The following NPAS3 variants were observed in gnomAD, a reference collection of about 807,000 sequenced individuals.
NPAS3 encodes the protein neuronal PAS domain-containing protein 3.
A neutral mutation model predicts 73.1 loss-of-function variants in NPAS3; 14 were observed. That is an observed-to-expected ratio of 0.19 (90% CI 0.13 to 0.30). The LOEUF is 0.30. Ranked by LOEUF, NPAS3 falls within the 10% of genes least tolerant of loss-of-function variation. The probability of loss-of-function intolerance (pLI) is 1.00; values close to 1 mark genes in which losing one functional copy is unlikely to be tolerated. For synonymous variants in NPAS3, 620 were observed against 541.5 expected, an observed-to-expected ratio of 1.14 and a Z score of -2.01; for missense variants, 1,096 against 1,250.0, an observed-to-expected ratio of 0.88 and a Z score of 1.86.
chr14:33,199,541 G>A (rs1315200990), intron 2 of NPAS3, among the ~76,000 whole-genome samples: 2 of 152,106 alleles, frequency 1.3e-5, no homozygotes, highest in African/African-American at 4.8e-5. Context: ...GTGCTCACTA[G>A]TACCACCTCC....
chr14:33,162,597 A>C (rs1419687705), intron 2 of NPAS3, among the ~76,000 whole-genome samples: 1 of 152,154 alleles, frequency 6.6e-6, no homozygotes, highest in Non-Finnish European at 1.5e-5. Context: ...TTGTGACTTG[A>C]CTGTCCAATG....
chr14:32,953,300 T>A (rs1213634702), intron 1 of NPAS3, among the ~76,000 whole-genome samples: 1 of 152,118 alleles, frequency 6.6e-6, no homozygotes, highest in Non-Finnish European at 1.5e-5. Flanking sequence ...TCTGGACCCT[T>A]TCCCCCTCCT....
intron 5 of NPAS3, among the ~76,000 whole-genome samples, chr14:33,663,039 T>A (rs2059353976): frequency 6.6e-6 from 1 of 152,196 alleles, no homozygotes; most frequent in South Asian, 2.1e-4. Flanking sequence ...CAATATGACT[T>A]CCTCTCTTCC....
intron 3 of NPAS3, among the ~76,000 whole-genome samples, chr14:33,342,181 C>CA (rs2140314029): frequency 6.6e-6 from 1 of 152,174 alleles, no homozygotes; most frequent in South Asian, 2.1e-4. Flanking sequence ...AGAAGAAAAA[C>CA]AGTTTGGAGA....
At chr14:33,341,397 G>A (rs1439600497) in intron 3 of NPAS3, among the ~76,000 whole-genome samples, 2 of 152,172 alleles carry the variant, frequency 1.3e-5, no homozygotes, top group Non-Finnish European at 2.9e-5. Context: ...AACAGAAATA[G>A]AAAGCTTAAA....
At chr14:33,573,265 G>A (rs897784885) in intron 5 of NPAS3, among the ~76,000 whole-genome samples, 2 of 152,114 alleles carry the variant, frequency 1.3e-5, no homozygotes, top group Non-Finnish European at 2.9e-5. Flanking sequence ...TTTGCTGAAT[G>A]ACCTACGTGT....
chr14:33,508,273 C>T (rs1240119359), intron 4 of NPAS3, among the ~76,000 whole-genome samples: 2 of 152,052 alleles, frequency 1.3e-5, no homozygotes, highest in Non-Finnish European at 2.9e-5. Flanking sequence ...AGAACAAAAT[C>T]ATATCTGTTC....
At chr14:33,332,929 C>T (rs1401378914) in intron 3 of NPAS3, among the ~76,000 whole-genome samples, 1 of 152,186 alleles carries the variant, frequency 6.6e-6, no homozygotes, top group Non-Finnish European at 1.5e-5. Flanking sequence ...CAATTAGATA[C>T]TTTGTCTGTA....
intron 4 of NPAS3, among the ~76,000 whole-genome samples, chr14:33,384,257 C>G (rs2046679187): frequency 6.6e-6 from 1 of 151,382 alleles, no homozygotes; most frequent in Non-Finnish European, 1.5e-5. Context: ...GAAATAAAAC[C>G]CTGAGATTTT....
intron 3 of NPAS3, among the ~76,000 whole-genome samples, chr14:33,223,620 A>G (rs1416728684): frequency 6.6e-6 from 1 of 152,182 alleles, no homozygotes; most frequent in Non-Finnish European, 1.5e-5. Flanking sequence ...AATTCCTCAG[A>G]AAGGATTTAG....
chr14:33,641,211 C>G (rs903376205), intron 5 of NPAS3, among the ~76,000 whole-genome samples: 1 of 152,158 alleles, frequency 6.6e-6, no homozygotes, highest in African/African-American at 2.4e-5. Context: ...TTCCACGGAG[C>G]ATGGAAGATT....
chr14:33,281,719 A>G (rs1278399914), intron 3 of NPAS3, among the ~76,000 whole-genome samples: 1 of 152,136 alleles, frequency 6.6e-6, no homozygotes, highest in African/African-American at 2.4e-5. Flanking sequence ...CTTTGTCACA[A>G]TTTTCCTGGT....
At chr14:33,144,584 C>T (rs546005754) in intron 2 of NPAS3, among the ~76,000 whole-genome samples, 2 of 152,126 alleles carry the variant, frequency 1.3e-5, no homozygotes, top group East Asian at 1.9e-4. Flanking sequence ...CTCTATCATC[C>T]GGGCAGGAGT....
chr14:33,458,830 G>A (rs1295729293), intron 4 of NPAS3, among the ~76,000 whole-genome samples: 4 of 152,182 alleles, frequency 2.6e-5, no homozygotes, highest in Non-Finnish European at 5.9e-5. Context: ...CGAGAGTTTT[G>A]TTACAGGAAA....
chr14:33,489,737 A>G (rs2139800856), intron 4 of NPAS3, among the ~76,000 whole-genome samples: 1 of 152,310 alleles, frequency 6.6e-6, no homozygotes, highest in Middle Eastern at 3.4e-3. Context: ...CCTCCAGAAC[A>G]TATTATAAAT....
Position 33,210,986 on chromosome 14 carries a change from A to G in NPAS3, c.141-4196A>G, listed in dbSNP as rs144619784. Among the ~76,000 whole-genome samples, 70 of 152,340 alleles carry G rather than the reference A, an allele frequency of 4.6e-4. 2 individuals are homozygous for G. The South Asian group carries it at 6.2e-3, about 14-fold the overall frequency. On this transcript the variant is annotated intron_variant, in intron 2 of 11. Coordinates refer to ENST00000356141, the Ensembl canonical transcript of NPAS3. Reference sequence around the variant, plus strand: ...AGTGAGAAGAGAGTGCACATTATTAATGAGCATTGCAGGCATTAGAAGGAA... The same window carrying G: ...AGTGAGAAGAGAGTGCACATTATTAGTGAGCATTGCAGGCATTAGAAGGAA...
intron 6 of NPAS3, among the ~76,000 whole-genome samples, chr14:33,687,702 A>C (rs577836003): frequency 6.6e-6 from 1 of 152,246 alleles, no homozygotes. Context: ...ATGTAAAAAC[A>C]TAGTTGCATG....
At chr14:33,526,665 G>T (rs974206882) in intron 4 of NPAS3, among the ~76,000 whole-genome samples, 18 of 151,634 alleles carry the variant, frequency 1.2e-4, no homozygotes, top group African/African-American at 4.4e-4. Context: ...ATATATTAAG[G>T]TATCCTGCAA....
chr14:33,470,749 C>T (rs2050742846), intron 4 of NPAS3, among the ~76,000 whole-genome samples: 2 of 152,012 alleles, frequency 1.3e-5, no homozygotes, highest in African/African-American at 4.8e-5. Context: ...AATATGAGAA[C>T]AATAGAAGTG....
Sources: allele counts gnomAD v4.1 joint callset (sites outside exome capture counted in the v4.1 genomes callset), GRCh38; gene constraint gnomAD v4.1.1; transcripts MANE v1.5; gene names NCBI Gene and HGNC (gene_info 2026-07-23, HGNC 2026-07-21).